Variants in UBE2R2 observed in about 807,000 individuals in gnomAD.
UBE2R2 encodes the protein ubiquitin conjugating enzyme E2 R2.
A neutral mutation model predicts 27.8 loss-of-function variants in UBE2R2; 1 was observed. That is an observed-to-expected ratio of 0.04 (90% CI 0.01 to 0.17). The LOEUF is 0.17. Among genes scored for constraint, UBE2R2 ranks in the 10% least tolerant of loss-of-function variants. The pLI is 1.00. For synonymous variants in UBE2R2, 106 were observed against 113.3 expected, an observed-to-expected ratio of 0.94 and a Z score of 0.41; for missense variants, 100 against 291.0, an observed-to-expected ratio of 0.34 and a Z score of 4.78.
At chr9:33,868,676 G>A (rs1486188333) in intron 1 of UBE2R2, 1 of 152,064 alleles carries the variant, frequency 6.6e-6, no homozygotes, top group Non-Finnish European at 1.5e-5. Context: ...ATGAAAACCT[G>A]CTCTACCCTC....
chr9:33,832,097 T>G, intron 1 of UBE2R2, among the ~76,000 whole-genome samples: 1 of 132,550 alleles, frequency 7.5e-6, no homozygotes, highest in Non-Finnish European at 1.6e-5. Flanking sequence ...TCACCTGAGG[T>G]TGGGAGTTCG....
At chr9:33,899,138 A>G (rs538704476) in intron 2 of UBE2R2, among the ~76,000 whole-genome samples, 1 of 152,308 alleles carries the variant, frequency 6.6e-6, no homozygotes, top group South Asian at 2.1e-4. Context: ...CTCTAGGTAC[A>G]CAGATATATC....
chr9:33,878,635 G>T (rs1821666839), intron 1 of UBE2R2, among the ~76,000 whole-genome samples: 1 of 152,074 alleles, frequency 6.6e-6, no homozygotes, highest in Non-Finnish European at 1.5e-5. Context: ...CAAAAAAAAG[G>T]CAGATTTATT....
chr9:33,890,142 TC>T (rs1030362493), intron 2 of UBE2R2, among the ~76,000 whole-genome samples: 9 of 152,154 alleles, frequency 5.9e-5, no homozygotes, highest in Non-Finnish European at 1.0e-4. Context: ...CACTTTTTTT[TC>T]AGTACATAGG....
intron 2 of UBE2R2, among the ~76,000 whole-genome samples, chr9:33,889,046 A>T (rs879568034): frequency 1.4e-4 from 21 of 152,240 alleles, no homozygotes; most frequent in Admixed American, 1.3e-3. Context: ...TATTTGACAT[A>T]ATATAAATAA....
At chr9:33,820,100 A>G (rs1470045259) in intron 1 of UBE2R2, among the ~76,000 whole-genome samples, 5 of 152,240 alleles carry the variant, frequency 3.3e-5, no homozygotes, top group Admixed American at 6.5e-5. Context: ...GTTAAAAACA[A>G]GAGCAAACAA....
chr9:33,874,330 T>C (rs1201648833), intron 1 of UBE2R2, among the ~76,000 whole-genome samples: 1 of 152,142 alleles, frequency 6.6e-6, no homozygotes, highest in African/African-American at 2.4e-5. Flanking sequence ...GCATAGACCA[T>C]TGTATAGAAG....
chr9:33,817,980 C>T (rs1050780679), intron 1 of UBE2R2, 46 bp downstream of exon 1: 4 of 1,562,118 alleles, frequency 2.6e-6, no homozygotes, highest in South Asian at 1.1e-5. Context: ...GCCGAGGCCT[C>T]CGGCTCCCCG....
chr9:33,914,624 C>G (rs963621812), intron 4 of UBE2R2, among the ~76,000 whole-genome samples: 4 of 151,972 alleles, frequency 2.6e-5, no homozygotes, highest in Admixed American at 6.6e-5. Context: ...GTCAAGAGTT[C>G]GAGACCAACC....
chr9:33,885,606 G>C (rs565297600), intron 1 of UBE2R2, among the ~76,000 whole-genome samples: 1 of 152,266 alleles, frequency 6.6e-6, no homozygotes, highest in Admixed American at 6.5e-5. Context: ...CAGCTTCCTT[G>C]GTTTTTACTT....
intron 1 of UBE2R2, among the ~76,000 whole-genome samples, chr9:33,883,353 C>G (rs948081201): frequency 1.3e-5 from 2 of 152,110 alleles, no homozygotes; most frequent in African/African-American, 4.8e-5. Context: ...TTTTGGATGC[C>G]TATGGCAGAC....
intron 1 of UBE2R2, among the ~76,000 whole-genome samples, chr9:33,857,806 G>A (rs572701717): frequency 3.3e-5 from 5 of 152,274 alleles, no homozygotes; most frequent in East Asian, 1.9e-4. Flanking sequence ...ATTGTTGAAC[G>A]GCATGTGAAC....
At chr9:33,897,492 A>AT (rs1822141859) in intron 2 of UBE2R2, among the ~76,000 whole-genome samples, 1 of 149,186 alleles carries the variant, frequency 6.7e-6, no homozygotes, top group Non-Finnish European at 1.5e-5. Flanking sequence ...TAATTTTTGT[A>AT]TTTTTAGTAG....
intron 3 of UBE2R2, among the ~76,000 whole-genome samples, chr9:33,905,017 G>A (rs1179443770): frequency 6.6e-6 from 1 of 152,136 alleles, no homozygotes; most frequent in East Asian, 1.9e-4. Context: ...AGGGTAGGGT[G>A]GGAGTGGGAG....
rs1246177658 is a variant in UBE2R2 at position 33,817,796 on chromosome 9, G to C, written c.39G>C (p.Leu13=). 1.9e-6 allele frequency: 3 copies of C among 1,609,634 alleles called. No homozygotes were observed. The highest frequency in any genetic ancestry group is 2.5e-6 in the Non-Finnish European group (3 of 1,178,062). Reference sequence around the variant, plus strand: ...AGATGACCAGCTCGCAGAAGGCCCTGATGCTCGAGCTGAAATCCCTGCAGG... The same window carrying C: ...AGATGACCAGCTCGCAGAAGGCCCTCATGCTCGAGCTGAAATCCCTGCAGG... ...QQQMTSSQKA[L]MLELKSLQEE... is the part of the protein sequence containing the mutation. The change falls in exon 1 of 5, where the codon CTG becomes CTC. Residue 13 remains leucine, a synonymous_variant. Coordinates refer to ENST00000263228, the MANE Select transcript of UBE2R2 (RefSeq NM_017811.4).
rs1254019920 is a variant in UBE2R2, at chr9:33,819,249, ATTAC to A, written c.177+1319_177+1322del. On this transcript the variant is annotated intron_variant, in intron 1 of 4. Transcript: ENST00000263228. Reference sequence around the variant, plus strand: ...TGATGTGTATTTTTAGGACTACCCAATTACTTAACTCTTGTTTTCTACCCTTCTA... The same window carrying A: ...TGATGTGTATTTTTAGGACTACCCAATTAACTCTTGTTTTCTACCCTTCTA... Among the ~76,000 whole-genome samples, 4 of 152,154 alleles carry A rather than the reference ATTAC, an allele frequency of 2.6e-5. No individual in the cohort carries two copies. In the East Asian group the frequency reaches 7.7e-4, roughly 29 times the overall value.
At chr9:33,837,877 A>G (rs1276689222) in intron 1 of UBE2R2, among the ~76,000 whole-genome samples, 1 of 152,074 alleles carries the variant, frequency 6.6e-6, no homozygotes, top group East Asian at 1.9e-4. Context: ...TGATGTCTTG[A>G]TCATGGTTGT....
chr9:33,854,711 A>G (rs2130758466), intron 1 of UBE2R2, among the ~76,000 whole-genome samples: 1 of 150,206 alleles, frequency 6.7e-6, no homozygotes, highest in South Asian at 2.1e-4. Context: ...AAAATCTGCA[A>G]GTGCAATTTT....
chr9:33,890,407 A>G (rs1209026076), intron 2 of UBE2R2, among the ~76,000 whole-genome samples: 1 of 152,136 alleles, frequency 6.6e-6, no homozygotes, highest in Admixed American at 6.5e-5. Context: ...TCTTTACTAA[A>G]AATACAAACA....
Sources: gnomAD v4.1 joint callset for allele counts (sites outside exome capture counted in the v4.1 genomes callset) on GRCh38, gnomAD v4.1.1 for gene constraint, MANE v1.5 for transcripts, NCBI Gene and HGNC (gene_info 2026-07-23, HGNC 2026-07-21) for gene names.